The following IFT43 variants were observed in gnomAD, a reference collection of about 807,000 sequenced individuals.
IFT43 encodes intraflagellar transport 43, also known as intraflagellar transport protein 43 homolog.
IFT43 carries 33 observed loss-of-function variants against 32.3 expected under a neutral mutation model. The ratio of observed to expected loss-of-function variants is 1.02; its 90% CI spans 0.77 to 1.37. The LOEUF is 1.37. Among genes scored for constraint, IFT43 ranks in the 40% most tolerant of loss-of-function variants. The pLI, the probability that IFT43 is intolerant of heterozygous loss-of-function variation, is 0.00. For synonymous variants in IFT43, 93 were observed against 98.2 expected (o/e 0.95, Z 0.31); for missense variants, 274 against 265.9 (o/e 1.03, Z -0.21).
At chr14:76,011,608 T>C (rs1489481111) in intron 2 of IFT43, among the ~76,000 whole-genome samples, 2 of 152,258 alleles carry the variant, frequency 1.3e-5, no homozygotes, top group African/African-American at 4.8e-5. Flanking sequence ...GTCAGTCTTG[T>C]ACCTAATGGC....
chr14:76,012,600 T>C (rs2036107124), intron 2 of IFT43, among the ~76,000 whole-genome samples: 1 of 152,246 alleles, frequency 6.6e-6, no homozygotes, highest in Non-Finnish European at 1.5e-5. Context: ...TGCAGGGTCC[T>C]GCCCCCTCCG....
At chr14:76,045,241 T>C (rs1350425253) in intron 3 of IFT43, among the ~76,000 whole-genome samples, 1 of 152,238 alleles carries the variant, frequency 6.6e-6, no homozygotes, top group Non-Finnish European at 1.5e-5. Context: ...CTCATCTTTT[T>C]CCCCTGGGTT....
At chr14:75,997,008 T>A (rs897472191) in intron 2 of IFT43, among the ~76,000 whole-genome samples, 2 of 152,138 alleles carry the variant, frequency 1.3e-5, no homozygotes, top group African/African-American at 4.8e-5. Flanking sequence ...ACAGAAGATA[T>A]GAGAGTAAAC....
chr14:76,049,164 A>G (rs1470096231), intron 3 of IFT43, among the ~76,000 whole-genome samples: 1 of 152,202 alleles, frequency 6.6e-6, no homozygotes, highest in Non-Finnish European at 1.5e-5. Context: ...CTTGTGGCAC[A>G]TGGTTTCTAC....
intron 3 of IFT43, among the ~76,000 whole-genome samples, chr14:76,050,049 C>T (rs370230061): frequency 1.3e-4 from 20 of 152,212 alleles, no homozygotes; most frequent in African/African-American, 4.1e-4. Context: ...CCGAACACCT[C>T]AGCCCCTGCA....
At chr14:76,006,173 A>G (rs1007071262) in intron 2 of IFT43, among the ~76,000 whole-genome samples, 2 of 152,216 alleles carry the variant, frequency 1.3e-5, no homozygotes, top group Non-Finnish European at 1.5e-5. Context: ...GAGCTAAGTC[A>G]CCAGAATGCA....
chr14:76,022,299 T>C (rs1165264041), intron 2 of IFT43, 28 bp from the exon 3 acceptor site: 2 of 1,586,938 alleles, frequency 1.3e-6, no homozygotes, highest in East Asian at 4.5e-5. Context: ...TGAGTGAATG[T>C]GTTCTTTTGA....
intron 3 of IFT43, among the ~76,000 whole-genome samples, chr14:76,032,002 T>G (rs2036517304): frequency 6.6e-6 from 1 of 152,198 alleles, no homozygotes; most frequent in Non-Finnish European, 1.5e-5. Context: ...TGTTTTCAAC[T>G]GGAATATGCA....
chr14:76,043,629 C>T (rs1264032930), intron 3 of IFT43, among the ~76,000 whole-genome samples: 1 of 152,206 alleles, frequency 6.6e-6, no homozygotes, highest in Non-Finnish European at 1.5e-5. Context: ...AAATCTGTTT[C>T]TCCCAATGTA....
intron 3 of IFT43, among the ~76,000 whole-genome samples, chr14:76,054,234 T>C (rs1414233978): frequency 6.6e-6 from 1 of 152,226 alleles, no homozygotes; most frequent in African/African-American, 2.4e-5. Flanking sequence ...TGCACCACTG[T>C]TGAAGAATGA....
intron 5 of IFT43, 39 bp downstream of exon 5, chr14:76,059,412 G>A: frequency 6.3e-7 from 1 of 1,592,592 alleles, no homozygotes; most frequent in Non-Finnish European, 8.6e-7. Flanking sequence ...GTCTTCTAGA[G>A]AGGCCCCAGA....
At chr14:76,004,400 C>T (rs540427347) in intron 2 of IFT43, among the ~76,000 whole-genome samples, 46 of 152,084 alleles carry the variant, frequency 3.0e-4, no homozygotes, top group African/African-American at 1.1e-3. Context: ...ATTTTTCCCC[C>T]GATTGTTCTG....
At chr14:76,022,287 G>C in intron 2 of IFT43, 40 bp from the exon 3 acceptor site, 1 of 1,545,436 alleles carries the variant, frequency 6.5e-7, no homozygotes, top group Non-Finnish European at 8.9e-7. Flanking sequence ...AAATGCAAAT[G>C]TTGAGTGAAT....
At chr14:75,997,653 A>G (rs1286297743) in intron 2 of IFT43, among the ~76,000 whole-genome samples, 1 of 152,222 alleles carries the variant, frequency 6.6e-6, no homozygotes, top group African/African-American at 2.4e-5. Flanking sequence ...CCTTTGTTGT[A>G]ATGAGAAGTG....
chr14:76,016,700 A>G (rs546818573), intron 2 of IFT43, among the ~76,000 whole-genome samples: 2 of 152,180 alleles, frequency 1.3e-5, no homozygotes, highest in East Asian at 1.9e-4. Flanking sequence ...TGGGATGTCT[A>G]TTTGTTTATG....
chr14:76,060,574 CTTGT>C (rs1356271221), intron 5 of IFT43, among the ~76,000 whole-genome samples: 7 of 151,762 alleles, frequency 4.6e-5, no homozygotes, highest in Non-Finnish European at 8.8e-5. Flanking sequence ...TTTCACACTC[CTTGT>C]TTGTTTGTGT....
intron 5 of IFT43, among the ~76,000 whole-genome samples, chr14:76,075,200 C>T (rs1314290317): frequency 6.6e-6 from 1 of 152,212 alleles, no homozygotes; most frequent in Admixed American, 6.5e-5. Context: ...CCTTTTGCAG[C>T]ATGGCTCCGT....
intron 3 of IFT43, among the ~76,000 whole-genome samples, chr14:76,039,183 A>T (rs2036660280): frequency 6.9e-6 from 1 of 145,830 alleles, no homozygotes; most frequent in African/African-American, 2.6e-5. Flanking sequence ...CCCAGGTTGG[A>T]GGGTGGGGAT....
chr14:76,067,587 A>C (rs1441851096), intron 5 of IFT43, among the ~76,000 whole-genome samples: 1 of 151,982 alleles, frequency 6.6e-6, no homozygotes, highest in Non-Finnish European at 1.5e-5. Context: ...CTCAAAAAAA[A>C]AAAAAGAGAG....
Sources: gnomAD v4.1 joint callset for allele counts (sites outside exome capture counted in the v4.1 genomes callset) on GRCh38, gnomAD v4.1.1 for gene constraint, MANE v1.5 for transcripts, NCBI Gene and HGNC (gene_info 2026-07-23, HGNC 2026-07-21) for gene names.